CCDC39: variants seen among roughly 807,000 people sequenced by gnomAD.
CCDC39 encodes the protein coiled-coil domain 39 molecular ruler complex subunit.
CCDC39 carries 113 observed loss-of-function variants against 121.0 expected under a neutral mutation model. The observed-to-expected ratio is 0.93, with a 90% CI of 0.80 to 1.09. The LOEUF is 1.09. CCDC39 is among the 50% of genes least tolerant of loss of function. The pLI is 0.00. For missense variants in CCDC39, 1,063 were observed against 1,074.7 expected, an observed-to-expected ratio of 0.99 and a Z score of 0.15; for synonymous variants, 349 against 352.2, an observed-to-expected ratio of 0.99 and a Z score of 0.10.
intron 1 of CCDC39, among the ~76,000 whole-genome samples, chr3:180,678,547 G>C (rs1253742263): frequency 6.6e-6 from 1 of 151,744 alleles, no homozygotes; most frequent in African/African-American, 2.4e-5. Flanking sequence ...GGTTTGTGGG[G>C]GGTCTCGCTT....
intron 13 of CCDC39, among the ~76,000 whole-genome samples, chr3:180,636,166 C>T (rs1717820190): frequency 6.6e-6 from 1 of 152,136 alleles, no homozygotes; most frequent in African/African-American, 2.4e-5. Flanking sequence ...GTCAAACTAT[C>T]CTTGTTTGCA....
chr3:180,667,049 A>T (rs1011139694), intron 1 of CCDC39, among the ~76,000 whole-genome samples: 16 of 152,220 alleles, frequency 1.1e-4, no homozygotes, highest in Admixed American at 3.3e-4. Flanking sequence ...GTTTTTTTTT[A>T]AAAAAGGTAA....
intron 10 of CCDC39, among the ~76,000 whole-genome samples, 171 bp from the exon 11 acceptor site, chr3:180,647,414 C>T (rs1008910180): frequency 3.9e-5 from 6 of 151,964 alleles, no homozygotes; most frequent in Admixed American, 3.9e-4. Flanking sequence ...CTAAGAGGAA[C>T]AAAAATAAAC....
At chr3:180,644,505 T>C (rs941810203) in intron 11 of CCDC39, among the ~76,000 whole-genome samples, 2 of 152,150 alleles carry the variant, frequency 1.3e-5, no homozygotes, top group Admixed American at 1.3e-4. Context: ...TTCTAGGCAA[T>C]ACATAACTTC....
chr3:180,670,874 C>A (rs562716293), intron 1 of CCDC39, among the ~76,000 whole-genome samples: 2 of 152,020 alleles, frequency 1.3e-5, no homozygotes, highest in African/African-American at 2.4e-5. Context: ...TGCTTGCCAG[C>A]GTCCCATGTC....
chr3:180,659,990 T>C (rs1007100909), intron 4 of CCDC39, among the ~76,000 whole-genome samples: 5 of 152,114 alleles, frequency 3.3e-5, no homozygotes, highest in Non-Finnish European at 7.4e-5. Context: ...AAAATGACTT[T>C]TAATATTTTT....
intron 6 of CCDC39, among the ~76,000 whole-genome samples, chr3:180,659,158 G>GTGTA (rs1374244337): frequency 2.0e-5 from 3 of 152,170 alleles, no homozygotes; most frequent in Non-Finnish European, 2.9e-5. Context: ...GGACAGCCAT[G>GTGTA]TGTAAGTCAG....
rs1560086701 is a variant in CCDC39 at position 180,641,994 on chromosome 3, TTA to T, written c.1871_1872del (p.Ile624LysfsTer3). Reference protein sequence around the residue: ...IRYVDQERENISTEFRERLSK... With the variant: ...IRYVDQERENXSTEFRERLSK... The stretch of plus-strand genomic sequence containing the variant: ...AGCAGTTTTAAAACTGAAAATTACC[TTA>T]TGTTTTCCCGTTCTTGATCAACATA... On this transcript the variant is annotated frameshift_variant and splice_region_variant, in exon 13 of 20. Transcript: ENST00000476379. LOFTEE classifies it high-confidence loss of function. 3.8e-6 allele frequency: 6 copies of T among 1,576,090 alleles called. No individual in the cohort carries two copies. Among genetic ancestry groups the T allele is most frequent in the Middle Eastern group, 1.7e-4 (1 of 5,944 alleles).
intron 16 of CCDC39, chr3:180,617,314 T>G: frequency 2.0e-6 from 1 of 488,642 alleles, no homozygotes; most frequent in Admixed American, 3.4e-5. Context: ...TAATACTTGA[T>G]AGTGATAATA....
At chr3:180,635,313 T>C (rs1330015260) in intron 13 of CCDC39, among the ~76,000 whole-genome samples, 2 of 152,132 alleles carry the variant, frequency 1.3e-5, no homozygotes, top group African/African-American at 4.8e-5. Context: ...CTGCCCCTAG[T>C]GCCTCCCAAA....
intron 13 of CCDC39, among the ~76,000 whole-genome samples, chr3:180,635,488 A>G (rs1219235957): frequency 6.6e-6 from 1 of 152,246 alleles, no homozygotes; most frequent in African/African-American, 2.4e-5. Flanking sequence ...AGTTGCTTCC[A>G]AGATACAATG....
At chr3:180,635,000 C>T (rs1717791051) in intron 13 of CCDC39, among the ~76,000 whole-genome samples, 1 of 152,166 alleles carries the variant, frequency 6.6e-6, no homozygotes, top group African/African-American at 2.4e-5. Flanking sequence ...CTACCTGAGA[C>T]TGGATAATTT....
intron 14 of CCDC39, among the ~76,000 whole-genome samples, chr3:180,620,715 AG>A (rs1717410830): frequency 6.6e-6 from 1 of 152,082 alleles, no homozygotes; most frequent in Non-Finnish European, 1.5e-5. Context: ...TTCAGTTCTT[AG>A]ATGTATGTAT....
At chr3:180,678,514 T>C (rs1030868774) in intron 1 of CCDC39, among the ~76,000 whole-genome samples, 1 of 152,080 alleles carries the variant, frequency 6.6e-6, no homozygotes, top group Non-Finnish European at 1.5e-5. Context: ...TTTTTTATTT[T>C]TTCGTAGAGA....
intron 1 of CCDC39, among the ~76,000 whole-genome samples, chr3:180,670,711 C>T (rs1712020004): frequency 6.7e-6 from 1 of 150,322 alleles, no homozygotes; most frequent in Non-Finnish European, 1.5e-5. Flanking sequence ...GTGCTACTCC[C>T]TTGAACATAC....
intron 13 of CCDC39, 85 bp downstream of exon 13, chr3:180,641,908 A>C: frequency 1.1e-6 from 1 of 924,808 alleles, no homozygotes; most frequent in Admixed American, 2.6e-5. Context: ...AACGATGCAC[A>C]TCCGGGATGT....
intron 12 of CCDC39, among the ~76,000 whole-genome samples, chr3:180,642,834 A>G (rs1717988321): frequency 6.6e-6 from 1 of 152,176 alleles, no homozygotes; most frequent in African/African-American, 2.4e-5. Flanking sequence ...GAAGTTTCTA[A>G]GCATAAAAAT....
At chr3:180,632,983 A>C (rs1717735589) in intron 13 of CCDC39, among the ~76,000 whole-genome samples, 1 of 152,250 alleles carries the variant, frequency 6.6e-6, no homozygotes, top group South Asian at 2.1e-4. Context: ...AGAGGTAAAA[A>C]CATGACAGTG....
intron 15 of CCDC39, 66 bp downstream of exon 15, chr3:180,619,745 A>G: frequency 2.1e-6 from 2 of 943,962 alleles, no homozygotes; most frequent in Non-Finnish European, 3.0e-6. Context: ...CATGTCTCAC[A>G]GTGTTCCTTT....
Sources: allele counts gnomAD v4.1 joint callset (sites outside exome capture counted in the v4.1 genomes callset), GRCh38; gene constraint gnomAD v4.1.1; transcripts MANE v1.5; gene names NCBI Gene and HGNC (gene_info 2026-07-23, HGNC 2026-07-21).